PAX7: variants seen among roughly 807,000 people sequenced by gnomAD.
PAX7 encodes paired box 7.
PAX7 carries 18 observed loss-of-function variants against 50.7 expected under a neutral mutation model. The ratio of observed to expected loss-of-function variants is 0.36; its 90% CI spans 0.25 to 0.53. PAX7 has a LOEUF of 0.53. Ranked by LOEUF, PAX7 falls within the 20% of genes least tolerant of loss-of-function variation. PAX7 has a pLI of 0.93. For missense variants in PAX7, 644 were observed against 702.9 expected (o/e 0.92, Z 0.95); for synonymous variants, 310 against 290.4 (o/e 1.07, Z -0.69).
rs778849585 is a variant in PAX7, at chr1:18,703,148, A to C, written c.1007A>C (p.Gln336Pro). ...PQPLPPSTMH[Q>P]GGLAAAAAAA... is the part of the protein sequence containing the mutation. ...CCCCTGCCACCGTCCACCATGCACC[A>C]GGGCGGGCTGGCTGCAGCGGCTGCA... is the stretch of plus-strand genomic sequence containing the variant. The change falls in exon 7 of 9, where the codon CAG becomes CCG. Residue 336 changes from glutamine (Q) to proline (P), a missense_variant. Coordinates refer to ENST00000420770, the MANE Select transcript of PAX7 (RefSeq NM_001135254.2). 2.5e-6 allele frequency: 4 copies of C among 1,613,808 alleles called. No individual in the cohort carries two copies. In the South Asian group the frequency reaches 4.4e-5, roughly 18 times the overall value.
intron 7 of PAX7, among the ~76,000 whole-genome samples, chr1:18,706,460 CTTTT>C (rs71027391): frequency 2.0e-5 from 2 of 98,622 alleles, no homozygotes; most frequent in African/African-American, 4.3e-5. Flanking sequence ...CTCTCTCTCT[CTTTT>C]TTTTTTTTTT....
intron 4 of PAX7, among the ~76,000 whole-genome samples, chr1:18,669,887 C>G (rs1340231225): frequency 6.6e-6 from 1 of 152,110 alleles, no homozygotes; most frequent in Non-Finnish European, 1.5e-5. Flanking sequence ...AGTTCGAGAC[C>G]AGTCTGGCCA....
rs1211243385 is a variant in PAX7 at position 18,674,420 on chromosome 1, G to A, written c.587-17334G>A. On this transcript the variant is annotated intron_variant, in intron 4 of 8. Transcript: ENST00000420770. ...CTGAACACAAAGGAAAAGATGGTGA[G>A]GAGAAACGGGACTTAGGGAAAGAGC... Among the ~76,000 whole-genome samples the A allele has an allele frequency of 3.3e-5, 5 of 152,182 alleles. No individual in the cohort carries two copies. The East Asian group carries it at 9.6e-4, about 29-fold the overall frequency.
chr1:18,731,910 C>T (rs949316628), intron 7 of PAX7, among the ~76,000 whole-genome samples: 2 of 152,204 alleles, frequency 1.3e-5, no homozygotes, highest in African/African-American at 4.8e-5. Context: ...ACCCAAGCCC[C>T]TTCTGAGAAA....
intron 4 of PAX7, among the ~76,000 whole-genome samples, chr1:18,638,086 C>A (rs1040997055): frequency 1.6e-4 from 25 of 152,270 alleles, no homozygotes; most frequent in Non-Finnish European, 2.8e-4. Context: ...GACAAATAAT[C>A]TTTCCTGCAC....
intron 4 of PAX7, among the ~76,000 whole-genome samples, chr1:18,665,723 T>C (rs1400165181): frequency 7.3e-6 from 1 of 137,180 alleles, no homozygotes; most frequent in South Asian, 2.3e-4. Flanking sequence ...CAGGCTGGAG[T>C]ACATGGCATA....
chr1:18,742,644 C>G (rs916207008), intron 8 of PAX7, among the ~76,000 whole-genome samples: 2 of 152,180 alleles, frequency 1.3e-5, no homozygotes, highest in East Asian at 3.9e-4. Context: ...GCTCTACCAA[C>G]TGGGAGCCTG....
Position 18,719,357 on chromosome 1 carries a change from C to T in PAX7, c.1155+16061C>T, listed in dbSNP as rs77340950. On this transcript the variant is annotated intron_variant, in intron 7 of 8. Coordinates refer to ENST00000420770, the MANE Select transcript of PAX7 (RefSeq NM_001135254.2). ...CTGGGTGGGGCTTTTGAGGGAGATC[C>T]GCCCCTGCCCTGTTCCTGTCCCTCC... Among the ~76,000 whole-genome samples, 464 of 152,306 alleles carry T rather than the reference C, an allele frequency of 3.0e-3. 10 individuals carry two copies. The East Asian group carries it at 0.056, about 18-fold the overall frequency.
chr1:18,660,149 T>C (rs564514346), intron 4 of PAX7, among the ~76,000 whole-genome samples: 1 of 151,956 alleles, frequency 6.6e-6, no homozygotes, highest in Non-Finnish European at 1.5e-5. Context: ...GCCCCTAGGA[T>C]AGGGCCAAAT....
chr1:18,683,067 G>C (rs1025609082), intron 4 of PAX7, among the ~76,000 whole-genome samples: 2 of 152,144 alleles, frequency 1.3e-5, no homozygotes, highest in African/African-American at 4.8e-5. Flanking sequence ...CCAGAAACCA[G>C]AGCAGGGCCA....
chr1:18,639,513 G>T (rs11583072), intron 4 of PAX7, among the ~76,000 whole-genome samples: 58,225 of 151,700 alleles, frequency 0.38, 11,599 homozygotes, highest in Middle Eastern at 0.52. Context: ...ACCTGGAAAG[G>T]GAAGTGGACA....
rs573283876 is a variant in PAX7, at chr1:18,636,766, C to A, written c.586+395C>A. On this transcript the variant is annotated intron_variant, in intron 4 of 8. Transcript: ENST00000420770. This position sits in a 1 kb window ranked among gnomAD's most constrained non-coding sequence, Gnocchi z 5.1. ...GAAACTTGGGCAAGGGGGCGGGGGA[C>A]GGGAGGGAGGGAGAGAGGAAGGAGG... Among the ~76,000 whole-genome samples the A allele has an allele frequency of 2.2e-5, 3 of 135,048 alleles. No homozygotes were observed. In the East Asian group the frequency reaches 7.7e-4, roughly 35 times the overall value. 88.6% of individuals were successfully genotyped at this position (135,048 alleles called of 152,430 possible).
At position 18,735,998 on chromosome 1, in the gene PAX7, A is replaced by T; in HGVS notation, c.1402+120A>T. ...AGGGTGGGGAATGTCCATTTCACAG[A>T]TGGAAAAATTGAAGTCCAGCCAGAT... On this transcript the variant is annotated intron_variant, in intron 8 of 8. Coordinates refer to ENST00000420770, the MANE Select transcript of PAX7 (RefSeq NM_001135254.2). This position sits in a 1 kb window ranked among gnomAD's most constrained non-coding sequence, Gnocchi z 4.0. 6.2e-7 allele frequency: 1 copy of T among 1,609,700 alleles called. No individual in the cohort carries two copies. The highest frequency in any genetic ancestry group is 2.2e-5 in the East Asian group (1 of 44,782).
At chr1:18,659,746 C>A in intron 4 of PAX7, among the ~76,000 whole-genome samples, 1 of 152,148 alleles carries the variant, frequency 6.6e-6, no homozygotes, top group African/African-American at 2.4e-5. Context: ...CTGGTTTTCC[C>A]ACTGAGGGTC....
At chr1:18,710,620 T>C (rs1402891083) in intron 7 of PAX7, among the ~76,000 whole-genome samples, 1 of 151,924 alleles carries the variant, frequency 6.6e-6, no homozygotes, top group African/African-American at 2.4e-5. Flanking sequence ...TATTGGAAGG[T>C]TTTGCCTAGC....
intron 4 of PAX7, among the ~76,000 whole-genome samples, chr1:18,654,443 TC>T (rs1374438194): frequency 6.6e-6 from 1 of 152,198 alleles, no homozygotes; most frequent in African/African-American, 2.4e-5. Context: ...CCAACACCGT[TC>T]TCCAGAATGG....
intron 4 of PAX7, among the ~76,000 whole-genome samples, chr1:18,673,287 A>T (rs926758690): frequency 6.6e-6 from 1 of 152,224 alleles, no homozygotes; most frequent in Non-Finnish European, 1.5e-5. Flanking sequence ...ATAAGGCAAG[A>T]GCGTCATAGA....
At chr1:18,678,256 A>G (rs991195548) in intron 4 of PAX7, among the ~76,000 whole-genome samples, 1 of 151,998 alleles carries the variant, frequency 6.6e-6, no homozygotes, top group Non-Finnish European at 1.5e-5. Context: ...TACTAAAAAT[A>G]CAAAATTAGC....
intron 4 of PAX7, among the ~76,000 whole-genome samples, chr1:18,676,177 T>TC (rs943037798): frequency 6.6e-5 from 10 of 152,088 alleles, no homozygotes; most frequent in African/African-American, 2.4e-4. Context: ...TTCACCAGCC[T>TC]CCCCCTGCCA....
Sources: gnomAD v4.1 joint callset for allele counts (sites outside exome capture counted in the v4.1 genomes callset) on GRCh38, gnomAD v4.1.1 for gene constraint, Gnocchi (gnomAD v3.1) non-coding constraint, MANE v1.5 for transcripts, NCBI Gene and HGNC (gene_info 2026-07-23, HGNC 2026-07-21) for gene names.